The following PLET1 variants were observed in gnomAD, a reference collection of about 807,000 sequenced individuals.
PLET1 encodes placenta-expressed transcript 1 protein.
Under a neutral mutation model 18.5 loss-of-function variants are expected in PLET1, and 20 were observed. The ratio of observed to expected loss-of-function variants is 1.08; its 90% CI spans 0.76 to 1.57. PLET1 has a LOEUF of 1.57. Ranked by LOEUF, PLET1 falls within the 40% of genes most tolerant of loss-of-function variation. The probability of loss-of-function intolerance (pLI) is 0.00; values close to 1 mark genes in which losing one functional copy is unlikely to be tolerated. For missense variants in PLET1, 256 were observed against 246.4 expected (o/e 1.04, Z -0.26); for synonymous variants, 93 against 93.8 (o/e 0.99, Z 0.05).
intron 2 of PLET1, 145 bp downstream of exon 2, chr11:112,255,243 C>G (rs1860213574): frequency 1.3e-6 from 1 of 783,610 alleles, no homozygotes; most frequent in Non-Finnish European, 2.1e-6. Flanking sequence ...GATGGTAGAG[C>G]ACTGTGAGAC....
chr11:112,254,260 G>A (rs1224327683), intron 2 of PLET1, among the ~76,000 whole-genome samples: 1 of 146,968 alleles, frequency 6.8e-6, no homozygotes, highest in Non-Finnish European at 1.5e-5. Context: ...GTATGTGCGT[G>A]TGGTGTCTGT....
At position 112,255,379 on chromosome 11, in the gene PLET1, G is replaced by A; in HGVS notation, c.386+9C>T. 6.4e-7 allele frequency: 1 copy of A among 1,551,942 alleles called. No individual in the cohort carries two copies. Among genetic ancestry groups the A allele is most frequent in the Non-Finnish European group, 8.7e-7 (1 of 1,146,868 alleles). On this transcript the variant is annotated intron_variant, in intron 2 of 3. Coordinates refer to ENST00000338832, the MANE Select transcript of PLET1 (RefSeq NM_001145024.1). ...TTAAAGCCCAAAGCAAAGCAAGCTA[G>A]GTTCTTACTGTATCTCCACTTCAGT...
intron 2 of PLET1, among the ~76,000 whole-genome samples, chr11:112,254,549 G>A (rs1330236876): frequency 3.2e-5 from 3 of 93,174 alleles, no homozygotes; most frequent in Admixed American, 2.4e-4. Context: ...GTGTGTGTGT[G>A]TGGTGTATAT....
intron 1 of PLET1, among the ~76,000 whole-genome samples, chr11:112,257,571 A>G (rs1353089514): frequency 6.6e-6 from 1 of 152,140 alleles, no homozygotes; most frequent in South Asian, 2.1e-4. Flanking sequence ...AAGTTCAGCA[A>G]GAAAAGCAAG....
At chr11:112,259,143 A>G (rs1860258731) in intron 1 of PLET1, among the ~76,000 whole-genome samples, 2 of 152,200 alleles carry the variant, frequency 1.3e-5, no homozygotes, top group South Asian at 2.1e-4. Flanking sequence ...TTGTCTGTAA[A>G]ATGATAACAA....
At chr11:112,254,526 A>C (rs111211404) in intron 2 of PLET1, among the ~76,000 whole-genome samples, 4 of 85,664 alleles carry the variant, frequency 4.7e-5, no homozygotes, top group African/African-American at 2.0e-4. Context: ...TGTGGTATGT[A>C]TGTGTGTGGT....
At position 112,248,758 on chromosome 11, in the gene PLET1, G is replaced by A. The variant is rs2135415321; in HGVS notation, c.*41C>T. ...ACTAGCTTGGAACTGAATGTAGGAG[G>A]ATGCAGTGGAGGCAGAAACAATTGT... On this transcript the variant is annotated 3_prime_UTR_variant, in exon 4 of 4. Transcript: ENST00000338832. 1 of 1,535,284 alleles carries A rather than the reference G, an allele frequency of 6.5e-7. No individual in the cohort carries two copies. Among genetic ancestry groups the A allele is most frequent in the Non-Finnish European group, 8.8e-7 (1 of 1,133,508 alleles).
chr11:112,251,782 G>A (rs900835097), intron 3 of PLET1, among the ~76,000 whole-genome samples: 5 of 151,766 alleles, frequency 3.3e-5, no homozygotes, highest in Admixed American at 6.6e-5. Flanking sequence ...GAAGATGGGC[G>A]AGGAACCTCA....
At chr11:112,251,749 GA>G (rs1196179907) in intron 3 of PLET1, among the ~76,000 whole-genome samples, 1 of 152,188 alleles carries the variant, frequency 6.6e-6, no homozygotes, top group Non-Finnish European at 1.5e-5. Context: ...AGGGAGGTAA[GA>G]GAAAAGAAAG....
Position 112,255,542 on chromosome 11 carries a change from A to T in PLET1, c.232T>A (p.Leu78Met). The change falls in exon 2 of 4, where the codon TTG (leucine) becomes ATG (methionine). Residue 78 changes from leucine to methionine, a missense_variant. Transcript: ENST00000338832. ...CCCGCTGAGTCACTGTTCTCGTCCA[A>T]GGTTTTCATGACCACAGCATAGACG... ...DSVYAVVMKT[L>M]DENSDSAGLW... 1.3e-6 allele frequency: 2 copies of T among 1,551,536 alleles called. No homozygotes were observed. Among genetic ancestry groups the T allele is most frequent in the Middle Eastern group, 3.4e-4 (2 of 5,954 alleles).
At chr11:112,259,411 GTTATTA>G (rs751420814) in intron 1 of PLET1, among the ~76,000 whole-genome samples, 1 of 152,152 alleles carries the variant, frequency 6.6e-6, no homozygotes, top group Non-Finnish European at 1.5e-5. Context: ...CATAGGAAGT[GTTATTA>G]TTATGAAATG....
At chr11:112,255,733 AAAAG>A in intron 1 of PLET1, 144 bp from the exon 2 acceptor site, 1 of 713,054 alleles carries the variant, frequency 1.4e-6, no homozygotes, top group African/African-American at 1.8e-5. Context: ...TCACTGTTGT[AAAAG>A]AAGTTGAAAG....
rs1176499379 is a variant in PLET1, at chr11:112,254,691, GGT to G, written c.386+695_386+696del. Among the ~76,000 whole-genome samples, 12 of 137,630 alleles carry G rather than the reference GGT, an allele frequency of 8.7e-5. No homozygotes were observed. In the East Asian group the frequency reaches 1.8e-3, roughly 21 times the overall value. 90.3% of individuals were successfully genotyped at this position (137,630 alleles called of 152,430 possible). A position where few individuals can be genotyped will look rare whatever the true frequency, so the allele number is the denominator to read the frequency against. ...GTGTATGTGGTATGTATGTGTGTGT[GGT>G]GTGTGTGGTATGTATGTGTGTGTTG... On this transcript the variant is annotated intron_variant, in intron 2 of 3. Transcript: ENST00000338832.
chr11:112,259,366 A>G (rs1860261327), intron 1 of PLET1, among the ~76,000 whole-genome samples: 1 of 152,246 alleles, frequency 6.6e-6, no homozygotes, highest in Admixed American at 6.5e-5. Flanking sequence ...TGATAATGAT[A>G]TCTCCCTAAT....
At chr11:112,253,746 G>C (rs548604428) in intron 2 of PLET1, among the ~76,000 whole-genome samples, 1 of 152,148 alleles carries the variant, frequency 6.6e-6, no homozygotes, top group Non-Finnish European at 1.5e-5. Context: ...AAGCCAATTA[G>C]GTCCAACCAG....
At chr11:112,257,052 C>T (rs1367427382) in intron 1 of PLET1, among the ~76,000 whole-genome samples, 2 of 152,252 alleles carry the variant, frequency 1.3e-5, no homozygotes, top group Non-Finnish European at 2.9e-5. Flanking sequence ...CCTGTCCAAA[C>T]CTTCAAAGGG....
At chr11:112,259,459 T>C (rs892505397) in intron 1 of PLET1, among the ~76,000 whole-genome samples, 1 of 152,184 alleles carries the variant, frequency 6.6e-6, no homozygotes, top group Non-Finnish European at 1.5e-5. Context: ...ACTTTTAGGT[T>C]TGGCTGATTC....
At chr11:112,254,215 GT>G (rs1566828474) in intron 2 of PLET1, among the ~76,000 whole-genome samples, 52 of 149,586 alleles carry the variant, frequency 3.5e-4, no homozygotes, top group South Asian at 8.6e-4. Context: ...GTGTGTGTGT[GT>G]GTGAAAAGGG....
chr11:112,255,922 A>C (rs1234396324), intron 1 of PLET1, among the ~76,000 whole-genome samples: 2 of 152,188 alleles, frequency 1.3e-5, no homozygotes, highest in Non-Finnish European at 2.9e-5. Context: ...GAGGGGTGAG[A>C]TTCTGGGAGT....
Sources: allele counts gnomAD v4.1 joint callset (sites outside exome capture counted in the v4.1 genomes callset), GRCh38; gene constraint gnomAD v4.1.1; transcripts MANE v1.5; gene names NCBI Gene and HGNC (gene_info 2026-07-23, HGNC 2026-07-21).